The following DMD variants were observed in gnomAD, a reference collection of about 807,000 sequenced individuals.
DMD encodes dystrophin.
A neutral mutation model predicts 330.1 loss-of-function variants in DMD; 63 were observed. That is an observed-to-expected ratio of 0.19 (90% CI 0.16 to 0.24). DMD has a LOEUF of 0.24. DMD is among the 10% of genes least tolerant of loss of function. The pLI is 1.00. For missense variants in DMD, 3,344 were observed against 2,684.1 expected (o/e 1.25, Z -5.43); for synonymous variants, 1,223 against 959.8 (o/e 1.27, Z -5.07).
chrX:31,856,130 G>T (rs1233492121), intron 48 of DMD, among the ~76,000 whole-genome samples: 1 of 111,829 alleles, frequency 8.9e-6, no homozygotes, highest in Non-Finnish European at 1.9e-5. Flanking sequence ...CGGAAAATTG[G>T]GGTAAATATA....
At chrX:32,407,476 G>A (rs895046197) in intron 30 of DMD, among the ~76,000 whole-genome samples, 4 of 111,228 alleles carry the variant, frequency 3.6e-5, no homozygotes, top group Non-Finnish European at 7.5e-5. Context: ...GGAAACAACA[G>A]GTGCTGGAGA....
At chrX:32,604,989 A>G (rs2056565704) in intron 12 of DMD, among the ~76,000 whole-genome samples, 1 of 111,192 alleles carries the variant, frequency 9.0e-6, no homozygotes, top group Admixed American at 9.6e-5. Flanking sequence ...AAAGCAATTT[A>G]CAGATTGAAC....
chrX:32,364,739 T>C (rs371259091), intron 35 of DMD, 29 bp from the exon 36 acceptor site: 10 of 1,197,067 alleles, frequency 8.4e-6, no homozygotes, highest in Middle Eastern at 2.3e-4. Context: ...TACCATGGCA[T>C]TATTGGTTAG....
At chrX:31,839,992 T>A (rs761960097) in intron 48 of DMD, among the ~76,000 whole-genome samples, 1 of 111,633 alleles carries the variant, frequency 9.0e-6, no homozygotes, top group Admixed American at 9.6e-5. Flanking sequence ...TGTGATGTAC[T>A]AGCATGGAAA....
intron 43 of DMD, among the ~76,000 whole-genome samples, chrX:32,225,036 G>C (rs989474211): frequency 4.5e-5 from 5 of 112,020 alleles, no homozygotes; most frequent in African/African-American, 1.6e-4. Flanking sequence ...GCTTAATGGA[G>C]ACTAGGATGT....
chrX:32,176,026 C>A (rs1477617650), intron 44 of DMD, among the ~76,000 whole-genome samples: 1 of 111,363 alleles, frequency 9.0e-6, no homozygotes, highest in Non-Finnish European at 1.9e-5. Flanking sequence ...TTCTCTTTAT[C>A]CTTCTCCAAC....
chrX:32,103,851 T>C (rs1387428434), intron 44 of DMD, among the ~76,000 whole-genome samples: 1 of 111,843 alleles, frequency 8.9e-6, no homozygotes, highest in Non-Finnish European at 1.9e-5. Context: ...TTATATAACC[T>C]TTTTTCCCCC....
At chrX:32,084,024 C>T (rs929914821) in intron 44 of DMD, among the ~76,000 whole-genome samples, 2 of 112,347 alleles carry the variant, frequency 1.8e-5, no homozygotes, top group African/African-American at 6.5e-5. Flanking sequence ...ACCTTAAATT[C>T]CAAATATTCT....
At chrX:32,389,711 T>C (rs1469037897) in intron 31 of DMD, 37 bp from the exon 32 acceptor site, 1 of 1,164,594 alleles carries the variant, frequency 8.6e-7, no homozygotes, top group Non-Finnish European at 1.2e-6. Context: ...GATTTAATTT[T>C]GCCTTTCAAA....
intron 44 of DMD, 40 bp from the exon 45 acceptor site, chrX:31,968,554 A>G (rs750805910): frequency 4.3e-6 from 5 of 1,169,470 alleles, no homozygotes; most frequent in African/African-American, 3.5e-5. Flanking sequence ...ATGAAGCCCC[A>G]TGTCTTTTTA....
At chrX:31,158,899 A>T (rs2148060915) in intron 74 of DMD, among the ~76,000 whole-genome samples, 1 of 112,239 alleles carries the variant, frequency 8.9e-6, no homozygotes, top group South Asian at 3.7e-4. Flanking sequence ...AAATAAGCCC[A>T]GAAAATGCTT....
intron 7 of DMD, among the ~76,000 whole-genome samples, chrX:32,727,264 T>A (rs548786499): frequency 9.0e-6 from 1 of 111,425 alleles, no homozygotes; most frequent in Admixed American, 9.6e-5. Flanking sequence ...ACACATTGTG[T>A]CTTATGTTCG....
At chrX:31,749,885 T>C (rs2088334737) in intron 51 of DMD, among the ~76,000 whole-genome samples, 1 of 105,881 alleles carries the variant, frequency 9.4e-6, no homozygotes, top group African/African-American at 3.5e-5. Flanking sequence ...TGCATTTCTC[T>C]GATGGCCAGT....
intron 55 of DMD, among the ~76,000 whole-genome samples, chrX:31,512,137 G>A (rs2071673794): frequency 9.0e-6 from 1 of 110,684 alleles, no homozygotes; most frequent in Non-Finnish European, 1.9e-5. Context: ...GTCTTCTTTT[G>A]AGAAGTGTCT....
intron 1 of DMD, among the ~76,000 whole-genome samples, chrX:33,268,799 C>T (rs1273778064): frequency 9.4e-6 from 1 of 106,935 alleles, no homozygotes; most frequent in Non-Finnish European, 1.9e-5. Context: ...TGGTGGTACA[C>T]ATCTGTAATC....
intron 52 of DMD, among the ~76,000 whole-genome samples, chrX:31,701,946 G>A (rs144144486): frequency 3.5e-4 from 39 of 112,683 alleles, no homozygotes; most frequent in African/African-American, 1.2e-3. Flanking sequence ...AAACCATTAC[G>A]TTTTGGCTTT....
chrX:32,755,110 C>T (rs2071336265), intron 7 of DMD: 2 of 111,021 alleles, frequency 1.8e-5, no homozygotes, highest in Non-Finnish European at 3.8e-5. Flanking sequence ...CATCACATTG[C>T]TGAAGAATTG....
At position 32,604,748 on chromosome X, in the gene DMD, A is replaced by G. The variant is rs748935854; in HGVS notation, c.1483-8872T>C. Among the ~76,000 whole-genome samples, 4 of 109,291 alleles carry G rather than the reference A, an allele frequency of 3.7e-5. No individual in the cohort carries two copies. In the East Asian group the frequency reaches 1.2e-3, roughly 31 times the overall value. 94.9% of individuals were successfully genotyped at this position (109,291 alleles called of 115,157 possible). A position where few individuals can be genotyped will look rare whatever the true frequency, so the allele number is the denominator to read the frequency against. On this transcript the variant is annotated intron_variant, in intron 12 of 78. Coordinates refer to ENST00000357033, the MANE Select transcript of DMD (RefSeq NM_004006.3). ...AATGTACAAAATTGGTAGCATTTCTATACACCAATAATGATCAAGCTGAGA... is the reference window on the plus strand; with the variant it reads ...AATGTACAAAATTGGTAGCATTTCTGTACACCAATAATGATCAAGCTGAGA...
intron 60 of DMD, among the ~76,000 whole-genome samples, chrX:31,382,832 C>T (rs1602353017): frequency 9.0e-6 from 1 of 110,876 alleles, no homozygotes; most frequent in East Asian, 2.8e-4. Context: ...CCCATTATCT[C>T]TCCACACCAC....
Sources: gnomAD v4.1 joint callset for allele counts (sites outside exome capture counted in the v4.1 genomes callset) on GRCh38, gnomAD v4.1.1 for gene constraint, MANE v1.5 for transcripts, NCBI Gene and HGNC (gene_info 2026-07-23, HGNC 2026-07-21) for gene names.